Variants in ARHGAP25 observed in about 807,000 individuals in gnomAD.
ARHGAP25 encodes the protein rho GTPase-activating protein 25.
ARHGAP25 carries 34 observed loss-of-function variants against 71.0 expected under a neutral mutation model. The observed-to-expected ratio is 0.48, with a 90% CI of 0.36 to 0.64. The LOEUF is 0.64. ARHGAP25 is among the 30% of genes least tolerant of loss of function. The pLI is 0.00. For missense variants in ARHGAP25, 706 were observed against 805.1 expected, an observed-to-expected ratio of 0.88 and a Z score of 1.49; for synonymous variants, 282 against 296.5, an observed-to-expected ratio of 0.95 and a Z score of 0.50.
intron 1 of ARHGAP25, among the ~76,000 whole-genome samples, chr2:68,743,951 T>G (rs1675668470): frequency 6.6e-6 from 1 of 152,206 alleles, no homozygotes; most frequent in Admixed American, 6.5e-5. Flanking sequence ...AGCCACACAA[T>G]TTATGGCAAA....
chr2:68,769,216 C>G (rs925666794), intron 1 of ARHGAP25, among the ~76,000 whole-genome samples: 1 of 152,082 alleles, frequency 6.6e-6, no homozygotes, highest in African/African-American at 2.4e-5. Context: ...TCATCCCTCC[C>G]CTCTGTAATA....
intron 1 of ARHGAP25, among the ~76,000 whole-genome samples, chr2:68,751,856 C>G (rs1364574704): frequency 6.6e-6 from 1 of 152,218 alleles, no homozygotes; most frequent in Admixed American, 6.5e-5. Flanking sequence ...GAAGGCTGGT[C>G]CTGGCCAGCC....
chr2:68,816,099 TA>T (rs1012687239), intron 6 of ARHGAP25, 189 bp from the exon 7 acceptor site: 12 of 659,804 alleles, frequency 1.8e-5, no homozygotes, highest in African/African-American at 9.2e-5. Context: ...ATGACCCTTT[TA>T]AAAAAAATTC....
chr2:68,824,752 A>C (rs1040115757), intron 10 of ARHGAP25, among the ~76,000 whole-genome samples: 4 of 152,104 alleles, frequency 2.6e-5, no homozygotes, highest in South Asian at 4.1e-4. Context: ...AAAAAAAACA[A>C]AAGGAAAAAA....
chr2:68,816,134 T>A (rs78107572), intron 6 of ARHGAP25, 155 bp from the exon 7 acceptor site: 368,089 of 671,288 alleles, frequency 0.55, 98,979 homozygotes, highest in East Asian at 0.87. Context: ...TTATTTCCCT[T>A]TTTTTTTTTA....
intron 4 of ARHGAP25, among the ~76,000 whole-genome samples, chr2:68,796,740 C>A (rs1250554493): frequency 6.6e-6 from 1 of 152,102 alleles, no homozygotes; most frequent in Non-Finnish European, 1.5e-5. Context: ...CATATGCTGG[C>A]ACCTGTACTG....
At chr2:68,725,528 A>C (rs1187237937) in intron 2 of ARHGAP25, among the ~76,000 whole-genome samples, 1 of 151,808 alleles carries the variant, frequency 6.6e-6, no homozygotes, top group Non-Finnish European at 1.5e-5. Flanking sequence ...ATGGGGCCTC[A>C]ACTGTGTTGA....
intron 1 of ARHGAP25, among the ~76,000 whole-genome samples, chr2:68,772,761 C>T (rs1677571019): frequency 6.6e-6 from 1 of 152,234 alleles, no homozygotes; most frequent in Non-Finnish European, 1.5e-5. Context: ...GATCAGCCCA[C>T]ACTGGCTGCT....
intron 1 of ARHGAP25, among the ~76,000 whole-genome samples, chr2:68,756,777 A>G (rs554408752): frequency 2.6e-5 from 4 of 152,218 alleles, no homozygotes; most frequent in Admixed American, 6.5e-5. Flanking sequence ...AAAAGAAACA[A>G]AAACGTATGG....
At chr2:68,720,837 G>C (rs1163244806) in intron 2 of ARHGAP25, among the ~76,000 whole-genome samples, 1 of 152,168 alleles carries the variant, frequency 6.6e-6, no homozygotes, top group Admixed American at 6.5e-5. Context: ...CACTGGGCAG[G>C]CAAGGAGGGG....
intron 1 of ARHGAP25, among the ~76,000 whole-genome samples, chr2:68,769,107 T>C (rs910764612): frequency 6.6e-6 from 1 of 152,158 alleles, no homozygotes; most frequent in Non-Finnish European, 1.5e-5. Flanking sequence ...GCCTCTCATA[T>C]TGTTTCCTCT....
At chr2:68,811,571 C>A (rs911540957) in intron 5 of ARHGAP25, among the ~76,000 whole-genome samples, 1 of 152,198 alleles carries the variant, frequency 6.6e-6, no homozygotes, top group Non-Finnish European at 1.5e-5. Flanking sequence ...TTCCTGAGGG[C>A]AGCCATGGAG....
intron 1 of ARHGAP25, among the ~76,000 whole-genome samples, chr2:68,764,906 T>A (rs1414483081): frequency 6.6e-6 from 1 of 152,204 alleles, no homozygotes; most frequent in Admixed American, 6.5e-5. Context: ...AATCCTTCTT[T>A]ACTTTTACTT....
intron 1 of ARHGAP25, among the ~76,000 whole-genome samples, chr2:68,760,538 C>T (rs1676740497): frequency 1.3e-5 from 2 of 151,970 alleles, no homozygotes; most frequent in African/African-American, 4.8e-5. Flanking sequence ...TATACACTAA[C>T]AGTGATCAAT....
intron 2 of ARHGAP25, among the ~76,000 whole-genome samples, chr2:68,729,101 GGGGAAAATGA>G (rs1674948029): frequency 6.6e-6 from 1 of 152,192 alleles, no homozygotes; most frequent in Non-Finnish European, 1.5e-5. Context: ...GCCTAGTGCT[GGGGAAAATGA>G]GGAGGGTCTG....
intron 10 of ARHGAP25, among the ~76,000 whole-genome samples, chr2:68,825,773 C>T (rs937680114): frequency 6.6e-6 from 1 of 151,082 alleles, no homozygotes; most frequent in African/African-American, 2.4e-5. Flanking sequence ...AGCGAGACTC[C>T]ATCCAAAAAA....
intron 1 of ARHGAP25, among the ~76,000 whole-genome samples, chr2:68,766,953 A>T (rs1285014776): frequency 6.6e-6 from 1 of 152,230 alleles, no homozygotes; most frequent in Non-Finnish European, 1.5e-5. Context: ...AGGTTGACAT[A>T]GTCACTTGTC....
chr2:68,712,067 C>G (rs576940930), intron 2 of ARHGAP25, among the ~76,000 whole-genome samples: 1 of 152,306 alleles, frequency 6.6e-6, no homozygotes, highest in South Asian at 2.1e-4. Flanking sequence ...ATTTCTGGTT[C>G]TAGATCCTTG....
chr2:68,826,105 C>G lies in ARHGAP25; in HGVS notation c.1852C>G (p.Arg618Gly), dbSNP rs207461842. Residue 618 changes from arginine (R) to glycine (G), a missense_variant, in exon 11 of 11, where the codon CGG (arginine) becomes GGG (glycine). Arg to Gly is a moderately radical substitution (Grantham distance 125). Transcript: ENST00000409202. ...CAGCCTCCGCAACATGGAGCGCTCC[C>G]GGGAGGATGTTGAGAAGAGGAACAA... Reference protein sequence around the residue: ...EISLRNMERSREDVEKRNKAL... With the variant: ...EISLRNMERSGEDVEKRNKAL... 6.8e-6 allele frequency: 11 copies of G among 1,613,952 alleles called. No homozygotes were observed. Among genetic ancestry groups the G allele is most frequent in the Non-Finnish European group, 9.3e-6 (11 of 1,179,980 alleles).
Sources: allele counts gnomAD v4.1 joint callset (sites outside exome capture counted in the v4.1 genomes callset), GRCh38; gene constraint gnomAD v4.1.1; transcripts MANE v1.5; gene names NCBI Gene and HGNC (gene_info 2026-07-23, HGNC 2026-07-21).